The following PHLPP1 variants were observed in gnomAD, a reference collection of about 807,000 sequenced individuals.
The protein encoded by PHLPP1 is PH domain and leucine rich repeat protein phosphatase 1.
In PHLPP1, 42 loss-of-function variants were observed where a neutral mutation model predicts 117.2. That is an observed-to-expected ratio of 0.36 (90% CI 0.28 to 0.46). The LOEUF is 0.46. PHLPP1 is among the 20% of genes least tolerant of loss of function. The pLI is 1.00. For synonymous variants in PHLPP1, 1,042 were observed against 970.7 expected (o/e 1.07, Z -1.37); for missense variants, 2,084 against 2,241.9 (o/e 0.93, Z 1.42).
intron 9 of PHLPP1, 52 bp from the exon 10 acceptor site, chr18:62,919,907 A>T: frequency 7.6e-7 from 1 of 1,315,676 alleles, no homozygotes; most frequent in Non-Finnish European, 1.1e-6. Flanking sequence ...AGGTAATTTT[A>T]AGTATTCTTT....
intron 1 of PHLPP1, among the ~76,000 whole-genome samples, chr18:62,751,769 G>A (rs574423666): frequency 5.4e-4 from 82 of 152,186 alleles, no homozygotes; most frequent in African/African-American, 2.0e-3. Flanking sequence ...GGAAGGCAAA[G>A]GACTATGTGG....
chr18:62,839,326 CTTT>C (rs1914993871), intron 3 of PHLPP1: 1 of 158,392 alleles, frequency 6.3e-6, no homozygotes, highest in Non-Finnish European at 1.4e-5. Context: ...TCCCCTTCAC[CTTT>C]ATTCTGCCTT....
At chr18:62,801,009 TTCCCTCCCTCC>T (rs1913761923) in intron 1 of PHLPP1, among the ~76,000 whole-genome samples, 11 of 26,746 alleles carry the variant, frequency 4.1e-4, no homozygotes, top group African/African-American at 1.8e-3. Flanking sequence ...CCTTGCTTCC[TTCCCTCCCTCC>T]CTCCCTCCCT....
intron 2 of PHLPP1, 23 bp downstream of exon 2, chr18:62,830,254 T>G (rs747686524): frequency 1.3e-6 from 2 of 1,541,266 alleles, no homozygotes; most frequent in Non-Finnish European, 1.8e-6. Context: ...GTTTGTTTGT[T>G]TATTGAGTCA....
intron 4 of PHLPP1, among the ~76,000 whole-genome samples, chr18:62,874,916 G>A (rs1365183733): frequency 6.6e-6 from 1 of 152,136 alleles, no homozygotes; most frequent in Admixed American, 6.5e-5. Context: ...GACATTGTTC[G>A]AGGACCTGCT....
At chr18:62,930,522 C>G (rs1003849265) in intron 10 of PHLPP1, among the ~76,000 whole-genome samples, 1 of 152,102 alleles carries the variant, frequency 6.6e-6, no homozygotes, top group Non-Finnish European at 1.5e-5. Flanking sequence ...TTTAATTATC[C>G]TATGTACATA....
chr18:62,921,355 A>G (rs942330975), intron 10 of PHLPP1, among the ~76,000 whole-genome samples: 1 of 152,264 alleles, frequency 6.6e-6, no homozygotes, highest in African/African-American at 2.4e-5. Flanking sequence ...CTTACAAAAT[A>G]AATGTTAGCT....
intron 1 of PHLPP1, among the ~76,000 whole-genome samples, chr18:62,772,830 C>CAAAAAAAAAAAAAAAAAAAA (rs59776161): frequency 4.9e-5 from 3 of 61,070 alleles, no homozygotes; most frequent in African/African-American, 1.4e-4. Flanking sequence ...GACTCTTTCT[C>CAAAAAAAAAAAAAAAAAAAA]AAAAAAAAAA....
intron 4 of PHLPP1, among the ~76,000 whole-genome samples, chr18:62,893,536 TA>T (rs1454699188): frequency 2.0e-5 from 3 of 152,198 alleles, no homozygotes; most frequent in Non-Finnish European, 4.4e-5. Context: ...ACCTGTCAAA[TA>T]GGTACATGGT....
rs1916558463 is a variant in PHLPP1, at chr18:62,896,155, ATTAATAGTAGGGT to A, written c.2444+147_2444+159del. On this transcript the variant is annotated intron_variant, in intron 6 of 16. Coordinates refer to ENST00000262719, the MANE Select transcript of PHLPP1 (RefSeq NM_194449.4). ...TTTCTGCCTAGAGGGAAGAATTATG[ATTAATAGTAGGGT>A]TTGCTATTACTGGAAACTCTCACTG... 35 of 611,474 alleles carry A rather than the reference ATTAATAGTAGGGT, an allele frequency of 5.7e-5. No homozygotes were observed. The South Asian group carries it at 5.8e-4, about 10-fold the overall frequency. The allele number at this position is 611,474 out of a possible 1,614,324, so 37.9% of individuals were successfully genotyped here.
chr18:62,856,062 G>A (rs536982089), intron 3 of PHLPP1, among the ~76,000 whole-genome samples: 3 of 152,136 alleles, frequency 2.0e-5, no homozygotes, highest in Admixed American at 6.6e-5. Flanking sequence ...TTCTTACTGC[G>A]AGTTTCCCAT....
intron 1 of PHLPP1, among the ~76,000 whole-genome samples, chr18:62,818,889 C>T (rs921421731): frequency 1.3e-5 from 2 of 152,228 alleles, no homozygotes; most frequent in Non-Finnish European, 2.9e-5. Context: ...GCTGTAAATA[C>T]AGCCACAGTG....
At chr18:62,919,805 T>C (rs1909406858) in intron 9 of PHLPP1, among the ~76,000 whole-genome samples, 154 bp from the exon 10 acceptor site, 1 of 152,230 alleles carries the variant, frequency 6.6e-6, no homozygotes, top group Non-Finnish European at 1.5e-5. Flanking sequence ...TTTTTTTGAG[T>C]ATATAGAAAG....
chr18:62,918,191 G>T (rs536504201), intron 9 of PHLPP1, among the ~76,000 whole-genome samples: 1 of 124,886 alleles, frequency 8.0e-6, no homozygotes, highest in Non-Finnish European at 1.6e-5. Context: ...GGGCGACAGA[G>T]TGAGACTCTG....
chr18:62,809,569 G>T (rs1914052892), intron 1 of PHLPP1, among the ~76,000 whole-genome samples: 1 of 152,122 alleles, frequency 6.6e-6, no homozygotes, highest in Non-Finnish European at 1.5e-5. Context: ...GGGCGTGGTG[G>T]TGGGAGCCTG....
At chr18:62,948,073 G>A (rs1190571186) in intron 12 of PHLPP1, among the ~76,000 whole-genome samples, 1 of 151,334 alleles carries the variant, frequency 6.6e-6, no homozygotes, top group Non-Finnish European at 1.5e-5. Context: ...GCCAGGCACG[G>A]CAGCTCCTTG....
chr18:62,805,643 A>G (rs77734927), intron 1 of PHLPP1, among the ~76,000 whole-genome samples: 10,417 of 152,184 alleles, frequency 0.068, 401 homozygotes, highest in Non-Finnish European at 0.083. Flanking sequence ...TTATAGGTAT[A>G]AGCCACCATG....
intron 8 of PHLPP1, among the ~76,000 whole-genome samples, chr18:62,914,661 C>T (rs1331725161): frequency 6.6e-6 from 1 of 152,206 alleles, no homozygotes; most frequent in African/African-American, 2.4e-5. Context: ...ATCTCGAACT[C>T]TTGGGCACAA....
chr18:62,834,892 C>G (rs942665396), intron 2 of PHLPP1, among the ~76,000 whole-genome samples: 24 of 152,118 alleles, frequency 1.6e-4, no homozygotes, highest in Non-Finnish European at 4.4e-5. Flanking sequence ...CTCTCCATCC[C>G]TAAGAAACCT....
Sources: gnomAD v4.1 joint callset for allele counts (sites outside exome capture counted in the v4.1 genomes callset) on GRCh38, gnomAD v4.1.1 for gene constraint, MANE v1.5 for transcripts, NCBI Gene and HGNC (gene_info 2026-07-23, HGNC 2026-07-21) for gene names.